Variants in PHLDB2 observed in about 807,000 individuals in gnomAD.
PHLDB2 encodes the protein pleckstrin homology like domain family B member 2, also known as pleckstrin homology-like domain family B member 2.
A neutral mutation model predicts 123.6 loss-of-function variants in PHLDB2; 71 were observed. The ratio of observed to expected loss-of-function variants is 0.57; its 90% CI spans 0.47 to 0.70. The LOEUF (loss-of-function observed/expected upper bound fraction) is 0.70, where lower values mean the gene tolerates loss of function less well. Ranked by LOEUF, PHLDB2 falls within the 30% of genes least tolerant of loss-of-function variation. The pLI is 0.00. For synonymous variants in PHLDB2, 547 were observed against 541.6 expected, an observed-to-expected ratio of 1.01 and a Z score of -0.14; for missense variants, 1,446 against 1,519.5, an observed-to-expected ratio of 0.95 and a Z score of 0.80.
At chr3:111,933,384 GTTCT>G (rs2069256723) in intron 6 of PHLDB2, among the ~76,000 whole-genome samples, 1 of 152,160 alleles carries the variant, frequency 6.6e-6, no homozygotes, top group African/African-American at 2.4e-5. Flanking sequence ...ATCCTTAAAC[GTTCT>G]TAAGATGACC....
intron 1 of PHLDB2, among the ~76,000 whole-genome samples, chr3:111,734,964 G>C (rs1262867786): frequency 1.3e-5 from 2 of 152,186 alleles, no homozygotes; most frequent in Non-Finnish European, 1.5e-5. Flanking sequence ...GCAAAAGCAA[G>C]TGTTTTTAGT....
chr3:111,974,602 T>C lies in PHLDB2; in HGVS notation c.*39T>C. The C allele has an allele frequency of 6.4e-7, 1 of 1,551,718 alleles. No individual in the cohort carries two copies. Among genetic ancestry groups the C allele is most frequent in the Non-Finnish European group, 8.7e-7 (1 of 1,146,858 alleles). ...CAGTCCACTTCAGGGCAGACGGCAA[T>C]AATCTCTTACAAGAATGAAGCCATA... On this transcript the variant is annotated 3_prime_UTR_variant, in exon 18 of 18. Coordinates refer to ENST00000431670, the MANE Select transcript of PHLDB2 (RefSeq NM_001134438.2).
chr3:111,790,121 G>A (rs2060853449), intron 1 of PHLDB2, among the ~76,000 whole-genome samples: 1 of 152,172 alleles, frequency 6.6e-6, no homozygotes, highest in Admixed American at 6.5e-5. Flanking sequence ...CTAGGAAGTG[G>A]AGGCCTAGCC....
chr3:111,745,915 GTC>G (rs751321236), intron 1 of PHLDB2, among the ~76,000 whole-genome samples: 8 of 152,204 alleles, frequency 5.3e-5, no homozygotes, highest in Non-Finnish European at 7.3e-5. Context: ...GTGCTGAATT[GTC>G]TCTGTCACCT....
At chr3:111,903,895 A>T (rs2067345651) in intron 2 of PHLDB2, among the ~76,000 whole-genome samples, 1 of 152,226 alleles carries the variant, frequency 6.6e-6, no homozygotes, top group African/African-American at 2.4e-5. Context: ...GATTAAAAAA[A>T]ATAATAACTG....
chr3:111,852,289 C>T (rs1190112705), intron 2 of PHLDB2, among the ~76,000 whole-genome samples: 1 of 149,422 alleles, frequency 6.7e-6, no homozygotes, highest in African/African-American at 2.4e-5. Flanking sequence ...CTCGCTCTCT[C>T]TCTCTCCATA....
At chr3:111,874,619 A>G (rs2065513065) in intron 1 of PHLDB2, among the ~76,000 whole-genome samples, 1 of 152,166 alleles carries the variant, frequency 6.6e-6, no homozygotes, top group African/African-American at 2.4e-5. Flanking sequence ...GCACTGACTC[A>G]TGATGCTTCA....
In PHLDB2 at chr3:111,884,547, C is replaced by G; in HGVS notation, c.470C>G (p.Ser157Trp). The change falls in exon 2 of 18, where the codon TCG becomes TGG. Residue 157 changes from serine (S) to tryptophan (W), a missense_variant. Physicochemically the swap from Ser to Trp is radical, Grantham distance 177 (BLOSUM62 -3). Around this residue, in one of 3 missense-constraint regions of PHLDB2, gnomAD observed 832 missense variants for 831.9 expected, o/e 1.00. Coordinates refer to ENST00000431670, the MANE Select transcript of PHLDB2 (RefSeq NM_001134438.2). ...PYSKYSSRHK[S>W]HDNVYSLGGL... ...TCCAAATATAGCTCAAGGCATAAAT[C>G]GCATGACAATGTCTACTCTCTTGGA... 1 of 1,614,116 alleles carries G rather than the reference C, an allele frequency of 6.2e-7. No individual in the cohort carries two copies. The highest frequency in any genetic ancestry group is 2.2e-5 in the East Asian group (1 of 44,868).
At chr3:111,864,850 C>A (rs2064992645) in intron 1 of PHLDB2, among the ~76,000 whole-genome samples, 1 of 152,162 alleles carries the variant, frequency 6.6e-6, no homozygotes, top group Admixed American at 6.5e-5. Flanking sequence ...TAAGCCAGGT[C>A]AGCTTTTTCT....
intron 1 of PHLDB2, 71 bp from the exon 2 acceptor site, chr3:111,883,993 G>A: frequency 7.2e-7 from 1 of 1,388,880 alleles, no homozygotes; most frequent in Non-Finnish European, 9.8e-7. Context: ...TTGTTCAGAT[G>A]TAGGCCTAAC....
chr3:111,888,879 T>A (rs2066324075), intron 2 of PHLDB2, among the ~76,000 whole-genome samples: 1 of 152,202 alleles, frequency 6.6e-6, no homozygotes, highest in African/African-American at 2.4e-5. Context: ...TAAATCTAAC[T>A]CCCTTTTTGC....
intron 2 of PHLDB2, among the ~76,000 whole-genome samples, chr3:111,851,971 A>G (rs146016103): frequency 0.014 from 2,084 of 150,592 alleles, 47 homozygotes; most frequent in African/African-American, 0.047. Flanking sequence ...TTTTTTCAAT[A>G]TGAAACTCAC....
intron 5 of PHLDB2, among the ~76,000 whole-genome samples, chr3:111,928,625 A>G (rs919783267): frequency 2.0e-5 from 3 of 152,164 alleles, no homozygotes; most frequent in African/African-American, 4.8e-5. Flanking sequence ...TGAACAAACA[A>G]CTCACTATGG....
At chr3:111,904,917 A>G (rs1204234471) in intron 2 of PHLDB2, among the ~76,000 whole-genome samples, 1 of 152,202 alleles carries the variant, frequency 6.6e-6, no homozygotes, top group African/African-American at 2.4e-5. Flanking sequence ...ACAGTCATGC[A>G]TTGCTTAATG....
At chr3:111,817,749 T>C (rs534659775) in intron 1 of PHLDB2, among the ~76,000 whole-genome samples, 43 of 152,274 alleles carry the variant, frequency 2.8e-4, no homozygotes, top group African/African-American at 9.9e-4. Flanking sequence ...CTGGAGACCA[T>C]GACTTCTCAG....
chr3:111,955,421 A>G (rs1173379481), intron 12 of PHLDB2, among the ~76,000 whole-genome samples: 1 of 151,964 alleles, frequency 6.6e-6, no homozygotes, highest in Non-Finnish European at 1.5e-5. Context: ...GGTCAAGTCT[A>G]TTTGCTGTTG....
intron 2 of PHLDB2, among the ~76,000 whole-genome samples, chr3:111,852,765 C>CACACACACACACACACAT (rs1411341765): frequency 6.6e-6 from 1 of 151,430 alleles, no homozygotes; most frequent in East Asian, 1.9e-4. Flanking sequence ...CACACACACA[C>CACACACACACACACACAT]ACACACACAC....
At chr3:111,956,127 A>C (rs2071041748) in intron 12 of PHLDB2, among the ~76,000 whole-genome samples, 2 of 152,174 alleles carry the variant, frequency 1.3e-5, no homozygotes. Context: ...CCTGGGAGTC[A>C]AGGCTGTAGT....
chr3:111,850,581 T>C (rs183356587), intron 2 of PHLDB2, among the ~76,000 whole-genome samples: 419 of 152,040 alleles, frequency 2.8e-3, no homozygotes, highest in Non-Finnish European at 4.8e-3. Context: ...GCCTGGGCAA[T>C]GTAGCAAGAT....
Sources: gnomAD v4.1 joint callset for allele counts (sites outside exome capture counted in the v4.1 genomes callset) on GRCh38, gnomAD v4.1.1 for gene constraint, gnomAD v4.1.1 regional missense constraint, MANE v1.5 for transcripts, NCBI Gene and HGNC (gene_info 2026-07-23, HGNC 2026-07-21) for gene names.